MED15: variants seen among roughly 807,000 people sequenced by gnomAD.
The protein encoded by MED15 is mediator of RNA polymerase II transcription subunit 15.
Under a neutral mutation model 118.7 loss-of-function variants are expected in MED15, and 41 were observed. That is an observed-to-expected ratio of 0.35 (90% CI 0.27 to 0.45). The LOEUF is 0.45. Among genes scored for constraint, MED15 ranks in the 20% least tolerant of loss-of-function variants. The pLI, the probability that MED15 is intolerant of heterozygous loss-of-function variation, is 1.00. For missense variants in MED15, 740 were observed against 1,025.5 expected (o/e 0.72, Z 3.80); for synonymous variants, 436 against 413.9 (o/e 1.05, Z -0.65).
intron 1 of MED15, among the ~76,000 whole-genome samples, chr22:20,520,172 GCTT>G (rs748099534): frequency 5.3e-5 from 8 of 152,192 alleles, no homozygotes; most frequent in Non-Finnish European, 7.4e-5. Context: ...CGTACCCCTT[GCTT>G]CTTCTTATGT....
At chr22:20,512,186 A>C (rs1322704631) in intron 1 of MED15, among the ~76,000 whole-genome samples, 1 of 151,602 alleles carries the variant, frequency 6.6e-6, no homozygotes, top group African/African-American at 2.4e-5. Flanking sequence ...ATGAGGTTTC[A>C]CCATGTTGCC....
At chr22:20,548,091 CTTTATCCTTCCAAG>C (rs1398443508) in intron 2 of MED15, among the ~76,000 whole-genome samples, 3 of 152,176 alleles carry the variant, frequency 2.0e-5, no homozygotes, top group Non-Finnish European at 4.4e-5. Flanking sequence ...AATACTCCTA[CTTTATCCTTCCAAG>C]TAGCTGGGAT....
chr22:20,510,369 A>T (rs1461621576), intron 1 of MED15, among the ~76,000 whole-genome samples: 1 of 152,198 alleles, frequency 6.6e-6, no homozygotes, highest in Admixed American at 6.6e-5. Flanking sequence ...CTAGTGACAG[A>T]GCGAGACTCC....
At chr22:20,520,910 T>C (rs2146368044) in intron 1 of MED15, among the ~76,000 whole-genome samples, 1 of 151,854 alleles carries the variant, frequency 6.6e-6, no homozygotes, top group South Asian at 2.1e-4. Flanking sequence ...CTGCTAATTT[T>C]TGTGTTTTTT....
chr22:20,570,339 C>G (rs546196980), intron 8 of MED15, among the ~76,000 whole-genome samples: 66 of 151,804 alleles, frequency 4.3e-4, no homozygotes, highest in African/African-American at 1.5e-3. Context: ...TTCTGTACCG[C>G]AGGTCAAGCC....
chr22:20,576,028 C>CT (rs2056815068), intron 9 of MED15, among the ~76,000 whole-genome samples: 1 of 152,046 alleles, frequency 6.6e-6, no homozygotes, highest in South Asian at 2.1e-4. Context: ...GTACATTATG[C>CT]TTTTCAGAGA....
At chr22:20,569,997 G>A (rs114707298) in intron 8 of MED15, among the ~76,000 whole-genome samples, 9 of 152,080 alleles carry the variant, frequency 5.9e-5, no homozygotes, top group Non-Finnish European at 1.0e-4. Context: ...TTGGACCATC[G>A]ATCCTCTGTT....
chr22:20,586,706 C>T lies in MED15; in HGVS notation c.*2C>T, dbSNP rs749431549. 6.2e-7 allele frequency: 1 copy of T among 1,612,394 alleles called. No individual in the cohort carries two copies. Among genetic ancestry groups the T allele is most frequent in the Non-Finnish European group, 8.5e-7 (1 of 1,179,920 alleles). On this transcript the variant is annotated 3_prime_UTR_variant, in exon 18 of 18. Transcript: ENST00000263205. ...CAGGCCTGCCTCTCAGCCGCCTAGC[C>T]AAGACTGCAGGGATGGCCCGCAGCC...
At chr22:20,545,017 TTCA>T (rs2055471545) in intron 2 of MED15, among the ~76,000 whole-genome samples, 1 of 152,184 alleles carries the variant, frequency 6.6e-6, no homozygotes, top group Non-Finnish European at 1.5e-5. Flanking sequence ...GATGTTTAAC[TTCA>T]TCATATCTGC....
At chr22:20,535,218 A>G (rs2146435408) in intron 1 of MED15, among the ~76,000 whole-genome samples, 1 of 152,256 alleles carries the variant, frequency 6.6e-6, no homozygotes, top group South Asian at 2.1e-4. Context: ...TCGGCCTCCC[A>G]AAGTGCTGGG....
chr22:20,561,032 A>G (rs1275043039), intron 5 of MED15, among the ~76,000 whole-genome samples: 5 of 152,228 alleles, frequency 3.3e-5, no homozygotes, highest in Admixed American at 3.3e-4. Context: ...GGGAAATGCT[A>G]AAATATTGAT....
At chr22:20,579,406 A>G (rs1052480985) in intron 9 of MED15, among the ~76,000 whole-genome samples, 5 of 151,764 alleles carry the variant, frequency 3.3e-5, no homozygotes, top group South Asian at 2.1e-4. Flanking sequence ...CCTGCCTCCC[A>G]TCCTCTGGGC....
chr22:20,579,591 T>C (rs2146659018), intron 9 of MED15, among the ~76,000 whole-genome samples: 1 of 152,214 alleles, frequency 6.6e-6, no homozygotes, highest in South Asian at 2.1e-4. Flanking sequence ...CTCTGTGAGA[T>C]GGAGCTCCCT....
intron 2 of MED15, among the ~76,000 whole-genome samples, chr22:20,543,579 A>G (rs1408563275): frequency 6.8e-6 from 1 of 147,838 alleles, no homozygotes; most frequent in Non-Finnish European, 1.5e-5. Flanking sequence ...TTTTTTTGAG[A>G]CTGAGTCTCA....
intron 8 of MED15, among the ~76,000 whole-genome samples, chr22:20,572,818 G>A (rs1028608621): frequency 1.3e-5 from 2 of 152,170 alleles, no homozygotes; most frequent in Non-Finnish European, 2.9e-5. Flanking sequence ...CCTGCTACTC[G>A]GGAGGCCGAG....
intron 1 of MED15, among the ~76,000 whole-genome samples, chr22:20,529,162 T>C (rs1771149): frequency 0.81 from 122,970 of 152,162 alleles, 49,769 homozygotes; most frequent in East Asian, 0.86. Context: ...GGTTTTTTTT[T>C]CTGTGGTTTT....
At chr22:20,585,627 C>G in intron 16 of MED15, 101 bp from the exon 17 acceptor site, 1 of 1,133,088 alleles carries the variant, frequency 8.8e-7, no homozygotes, top group Non-Finnish European at 1.3e-6. Flanking sequence ...ACAAGCTTCA[C>G]CAGAACCTCC....
At chr22:20,582,782 C>T in intron 10 of MED15, 35 bp downstream of exon 10, 1 of 1,592,890 alleles carries the variant, frequency 6.3e-7, no homozygotes, top group African/African-American at 1.3e-5. Context: ...CCCCACCTGG[C>T]CCTCGAGGCT....
At chr22:20,568,708 G>C in intron 8 of MED15, 77 bp downstream of exon 8, 1 of 1,548,654 alleles carries the variant, frequency 6.5e-7, no homozygotes, top group East Asian at 2.4e-5. Flanking sequence ...CTACAGTGAG[G>C]GTTCTGGTTG....
Sources: allele counts gnomAD v4.1 joint callset (sites outside exome capture counted in the v4.1 genomes callset), GRCh38; gene constraint gnomAD v4.1.1; transcripts MANE v1.5; gene names NCBI Gene and HGNC (gene_info 2026-07-23, HGNC 2026-07-21).